Variants in RB1 observed in about 807,000 individuals in gnomAD.
RB1 encodes RB transcriptional corepressor 1, also known as retinoblastoma-associated protein.
RB1 carries 18 observed loss-of-function variants against 135.4 expected under a neutral mutation model. That is an observed-to-expected ratio of 0.13 (90% CI 0.09 to 0.20). The LOEUF is 0.20. Ranked by LOEUF, RB1 falls within the 10% of genes least tolerant of loss-of-function variation. The pLI, the probability that RB1 is intolerant of heterozygous loss-of-function variation, is 1.00. For synonymous variants in RB1, 365 were observed against 373.2 expected (o/e 0.98, Z 0.25); for missense variants, 868 against 1,110.0 (o/e 0.78, Z 3.10).
intron 19 of RB1, among the ~76,000 whole-genome samples, chr13:48,458,527 T>C (rs1436311374): frequency 6.6e-6 from 1 of 152,150 alleles, no homozygotes; most frequent in South Asian, 2.1e-4. Flanking sequence ...ACCAGCAGAA[T>C]CCACATCACC....
At chr13:48,358,269 G>T (rs1184747499) in intron 6 of RB1, among the ~76,000 whole-genome samples, 1 of 151,850 alleles carries the variant, frequency 6.6e-6, no homozygotes, top group Non-Finnish European at 1.5e-5. Flanking sequence ...ATTCTTTTTT[G>T]ATTTTCTATG....
chr13:48,362,834 T>G lies in RB1; in HGVS notation c.738T>G (p.Ile246Met). 1 of 1,613,790 alleles carries G rather than the reference T, an allele frequency of 6.2e-7. No homozygotes were observed. Among genetic ancestry groups the G allele is most frequent in the Non-Finnish European group, 8.5e-7 (1 of 1,179,808 alleles). Residue 246 changes from isoleucine to methionine, a missense_variant, in exon 8 of 27, where the codon ATT becomes ATG. Around this residue, in one of 3 missense-constraint regions of RB1, gnomAD observed 641 missense variants for 791.3 expected, o/e 0.81. Coordinates refer to ENST00000267163, the MANE Select transcript of RB1 (RefSeq NM_000321.3). ...KEPYKTAVIP[I>M]NGSPRTPRRG... ...TTACAGAAACAGCTGTTATACCCAT[T>G]AATGGTTCACCTCGAACACCCAGGC...
chr13:48,377,162 C>T (rs1952835332), intron 13 of RB1, 128 bp downstream of exon 13: 1 of 970,682 alleles, frequency 1.0e-6, no homozygotes, highest in African/African-American at 1.6e-5. Flanking sequence ...ATACTATATC[C>T]CTGCTGCCTG....
At chr13:48,447,592 C>T (rs968039259) in intron 17 of RB1, among the ~76,000 whole-genome samples, 1 of 152,144 alleles carries the variant, frequency 6.6e-6, no homozygotes, top group African/African-American at 2.4e-5. Context: ...ATTCACTTCT[C>T]ATATACTATG....
chr13:48,360,096 C>G lies in RB1; in HGVS notation c.687C>G (p.Leu229=). Residue 229 remains leucine, a synonymous_variant, in exon 7 of 27, where the codon CTC becomes CTG. Coordinates refer to ENST00000267163, the MANE Select transcript of RB1 (RefSeq NM_000321.3). Reference sequence around the variant, plus strand: ...GTGTCCTTGACTATTTTATTAAACTCTCACCTCCCATGTTGCTCAAAGAAC... The same window carrying G: ...GTGTCCTTGACTATTTTATTAAACTGTCACCTCCCATGTTGCTCAAAGAAC... ...MLCVLDYFIK[L]SPPMLLKEPY... is the part of the protein sequence containing the mutation. 2 of 1,612,516 alleles carry G rather than the reference C, an allele frequency of 1.2e-6. No individual in the cohort carries two copies. The highest frequency in any genetic ancestry group is 1.7e-6 in the Non-Finnish European group (2 of 1,179,180).
chr13:48,416,629 G>C (rs761584579), intron 17 of RB1: 1 of 152,388 alleles, frequency 6.6e-6, no homozygotes, highest in African/African-American at 2.4e-5. Flanking sequence ...AGGGAGCCAA[G>C]TGGTCTAGCT....
chr13:48,351,606 A>G (rs1358680733), intron 6 of RB1, among the ~76,000 whole-genome samples: 8 of 150,934 alleles, frequency 5.3e-5, no homozygotes, highest in Admixed American at 2.6e-4. Flanking sequence ...CCACTTGTCA[A>G]TTTTTGATTT....
At chr13:48,318,260 G>T in intron 2 of RB1, 1 of 852,858 alleles carries the variant, frequency 1.2e-6, no homozygotes, top group Non-Finnish European at 1.8e-6. Context: ...GCGGGCTTCT[G>T]TCTTTCCAGT....
intron 2 of RB1, chr13:48,318,314 A>T: frequency 7.9e-7 from 1 of 1,267,622 alleles, no homozygotes; most frequent in Non-Finnish European, 1.1e-6. Context: ...GCATCTGGGC[A>T]GTGCTGAACC....
Position 48,343,726 on chromosome 13 carries a change from G to T in RB1, c.380+1012G>T, listed in dbSNP as rs530456425. 1.8e-4 allele frequency among the ~76,000 whole-genome samples: 27 copies of T among 152,268 alleles called. 1 individual carries two copies. In the South Asian group the frequency reaches 4.8e-3, roughly 27 times the overall value. ...AACTGAGAGTAGTTCTTTAATAAAT[G>T]CTATTCTGAGGCTGATTTCTTTTTC... On this transcript the variant is annotated intron_variant, in intron 3 of 26. Coordinates refer to ENST00000267163, the MANE Select transcript of RB1 (RefSeq NM_000321.3).
At chr13:48,352,780 T>C (rs550630999) in intron 6 of RB1, among the ~76,000 whole-genome samples, 1 of 152,278 alleles carries the variant, frequency 6.6e-6, no homozygotes, top group South Asian at 2.1e-4. Context: ...TTTCTAGATA[T>C]AGCATCATGT....
At chr13:48,306,119 A>G (rs1013117270) in intron 1 of RB1, among the ~76,000 whole-genome samples, 9 of 152,168 alleles carry the variant, frequency 5.9e-5, no homozygotes, top group African/African-American at 1.7e-4. Flanking sequence ...AAAACAAAAA[A>G]GCTGACCAGG....
intron 26 of RB1, 66 bp downstream of exon 26, chr13:48,477,470 G>C (rs890742046): frequency 1.2e-5 from 15 of 1,289,238 alleles, no homozygotes; most frequent in Non-Finnish European, 1.6e-5. Flanking sequence ...AAGTCTTTTC[G>C]TTATATAAAA....
intron 17 of RB1, among the ~76,000 whole-genome samples, chr13:48,393,342 G>C (rs1321894196): frequency 1.3e-5 from 2 of 152,128 alleles, no homozygotes; most frequent in African/African-American, 4.8e-5. Flanking sequence ...TTCTTCAACT[G>C]GGGGACCACT....
At chr13:48,370,845 C>T (rs561867160) in intron 11 of RB1, among the ~76,000 whole-genome samples, 1 of 152,346 alleles carries the variant, frequency 6.6e-6, no homozygotes, top group South Asian at 2.1e-4. Context: ...GCTGAAGGTT[C>T]CAACCCTCTA....
intron 2 of RB1, chr13:48,328,114 A>AT (rs1163051006): frequency 4.0e-6 from 4 of 998,128 alleles, no homozygotes; most frequent in Non-Finnish European, 6.4e-6. Flanking sequence ...CGAAGATGAG[A>AT]TTTTATATTC....
chr13:48,433,262 T>C (rs909253361), intron 17 of RB1, among the ~76,000 whole-genome samples: 1 of 152,164 alleles, frequency 6.6e-6, no homozygotes, highest in African/African-American at 2.4e-5. Flanking sequence ...TTTATGAGTA[T>C]ACCTGGGTAA....
intron 17 of RB1, chr13:48,429,172 G>T (rs1046598160): frequency 2.0e-4 from 31 of 152,120 alleles, no homozygotes; most frequent in African/African-American, 7.5e-4. Context: ...AACCAAGTTC[G>T]GTGCTTTGAA....
At chr13:48,311,224 T>C (rs1952127318) in intron 2 of RB1, among the ~76,000 whole-genome samples, 1 of 152,222 alleles carries the variant, frequency 6.6e-6, no homozygotes, top group Admixed American at 6.5e-5. Flanking sequence ...CATATATATG[T>C]ATATGAAATG....
Sources: gnomAD v4.1 joint callset for allele counts (sites outside exome capture counted in the v4.1 genomes callset) on GRCh38, gnomAD v4.1.1 for gene constraint, gnomAD v4.1.1 regional missense constraint, MANE v1.5 for transcripts, NCBI Gene and HGNC (gene_info 2026-07-23, HGNC 2026-07-21) for gene names.